ASIC2: variants seen among roughly 807,000 people sequenced by gnomAD.
ASIC2 encodes acid sensing ion channel subunit 2, also known as acid-sensing ion channel 2.
In ASIC2, 25 loss-of-function variants were observed where a neutral mutation model predicts 57.3. That is an observed-to-expected ratio of 0.44 (90% confidence interval 0.32 to 0.61). The LOEUF is 0.61. Among genes scored for constraint, ASIC2 ranks in the 20% least tolerant of loss-of-function variants. The probability of loss-of-function intolerance (pLI) is 0.06; values close to 1 mark genes in which losing one functional copy is unlikely to be tolerated. For missense variants in ASIC2, 641 were observed against 738.1 expected (o/e 0.87, Z 1.52); for synonymous variants, 319 against 307.5 (o/e 1.04, Z -0.39).
At chr17:34,124,336 C>T (rs1253256088) in intron 1 of ASIC2, among the ~76,000 whole-genome samples, 1 of 151,654 alleles carries the variant, frequency 6.6e-6, no homozygotes, top group African/African-American at 2.4e-5. Context: ...CGAAGCACCA[C>T]TGACCTACAC....
At chr17:33,919,354 A>G (rs1318175141) in intron 1 of ASIC2, among the ~76,000 whole-genome samples, 1 of 152,248 alleles carries the variant, frequency 6.6e-6, no homozygotes, top group Admixed American at 6.5e-5. Context: ...GAACCCAGAA[A>G]TAAAGCCATG....
At chr17:33,461,590 C>A (rs1382937842) in intron 1 of ASIC2, among the ~76,000 whole-genome samples, 1 of 152,148 alleles carries the variant, frequency 6.6e-6, no homozygotes, top group Non-Finnish European at 1.5e-5. Context: ...TAATGACAAG[C>A]AGTGAACAAG....
At chr17:33,590,665 C>T (rs145914068) in intron 1 of ASIC2, among the ~76,000 whole-genome samples, 93 of 152,114 alleles carry the variant, frequency 6.1e-4, no homozygotes, top group African/African-American at 2.1e-3. Flanking sequence ...TCAATCTCTA[C>T]ACCACACTCC....
chr17:33,615,549 C>T (rs1567670139), intron 1 of ASIC2, among the ~76,000 whole-genome samples: 2 of 152,074 alleles, frequency 1.3e-5, no homozygotes, highest in South Asian at 4.1e-4. Context: ...TGCTAAGAGG[C>T]TAAGGTCTTG....
chr17:33,407,273 C>A (rs1910505790), intron 1 of ASIC2, among the ~76,000 whole-genome samples: 1 of 152,192 alleles, frequency 6.6e-6, no homozygotes, highest in Non-Finnish European at 1.5e-5. Context: ...TAATAACTGG[C>A]TGATCTGGGA....
At chr17:33,925,643 C>G (rs1915807390) in intron 1 of ASIC2, among the ~76,000 whole-genome samples, 1 of 152,218 alleles carries the variant, frequency 6.6e-6, no homozygotes, top group East Asian at 1.9e-4. Context: ...TTGGGCACCA[C>G]GTTCCCCTCA....
chr17:33,484,952 G>A (rs901986903), intron 1 of ASIC2, among the ~76,000 whole-genome samples: 4 of 152,360 alleles, frequency 2.6e-5, no homozygotes, highest in Admixed American at 2.6e-4. Flanking sequence ...GCACACCTAT[G>A]GGGTAGCCCT....
At chr17:33,490,586 G>A (rs966790101) in intron 1 of ASIC2, among the ~76,000 whole-genome samples, 9 of 152,172 alleles carry the variant, frequency 5.9e-5, no homozygotes, top group African/African-American at 4.8e-5. Flanking sequence ...TTTATAAAGC[G>A]GGGTCTCCTG....
chr17:33,488,369 A>G (rs1171791840), intron 1 of ASIC2, among the ~76,000 whole-genome samples: 2 of 152,206 alleles, frequency 1.3e-5, no homozygotes, highest in African/African-American at 4.8e-5. Flanking sequence ...GCCGACCAAC[A>G]TTACAAAAAC....
At chr17:33,722,733 A>G (rs1054595893) in intron 1 of ASIC2, among the ~76,000 whole-genome samples, 6 of 152,212 alleles carry the variant, frequency 3.9e-5, no homozygotes, top group African/African-American at 1.4e-4. Context: ...ATTGCACTGC[A>G]GCCGGGGTAA....
chr17:34,045,298 G>C (rs1204912413), intron 1 of ASIC2, among the ~76,000 whole-genome samples: 1 of 152,100 alleles, frequency 6.6e-6, no homozygotes, highest in East Asian at 1.9e-4. Flanking sequence ...ACTACCCATG[G>C]GCAATGTGAG....
At chr17:34,059,963 C>G (rs955741441) in intron 1 of ASIC2, among the ~76,000 whole-genome samples, 1 of 152,200 alleles carries the variant, frequency 6.6e-6, no homozygotes, top group African/African-American at 2.4e-5. Flanking sequence ...GGGCCCTGCC[C>G]ACCACCAGAC....
intron 1 of ASIC2, among the ~76,000 whole-genome samples, chr17:34,013,967 C>A (rs1906859559): frequency 6.6e-6 from 1 of 152,114 alleles, no homozygotes; most frequent in Admixed American, 6.5e-5. Flanking sequence ...AGGGAGTCTG[C>A]CAGTCTATCC....
At chr17:33,446,002 C>CA (rs147439831) in intron 1 of ASIC2, among the ~76,000 whole-genome samples, 1,766 of 151,918 alleles carry the variant, frequency 0.012, 51 homozygotes, top group East Asian at 0.095. Flanking sequence ...ACCTTATGTA[C>CA]ACCTTTTATG....
intron 1 of ASIC2, among the ~76,000 whole-genome samples, chr17:34,148,334 C>T (rs2142141620): frequency 6.6e-6 from 1 of 152,204 alleles, no homozygotes; most frequent in East Asian, 1.9e-4. Context: ...ATTTTATATA[C>T]CCCTGAAAGC....
At chr17:33,142,386 G>C (rs1039171202) in intron 1 of ASIC2, among the ~76,000 whole-genome samples, 1 of 152,174 alleles carries the variant, frequency 6.6e-6, no homozygotes, top group Admixed American at 6.5e-5. Flanking sequence ...ATGCAGAGGC[G>C]AATCCACTCT....
At chr17:33,929,092 G>A (rs915007388) in intron 1 of ASIC2, among the ~76,000 whole-genome samples, 13 of 152,044 alleles carry the variant, frequency 8.6e-5, no homozygotes. Context: ...TGAGTTGCTG[G>A]GGCCTAAACT....
At chr17:33,130,519 A>G (rs1372793969) in intron 1 of ASIC2, among the ~76,000 whole-genome samples, 2 of 152,254 alleles carry the variant, frequency 1.3e-5, no homozygotes, top group Non-Finnish European at 2.9e-5. Context: ...TGTCAGTTGA[A>G]TGGGCTACAT....
intron 1 of ASIC2, among the ~76,000 whole-genome samples, chr17:33,856,458 C>CAG (rs1567736052): frequency 4.5e-4 from 6 of 13,448 alleles, no homozygotes; most frequent in Admixed American, 1.3e-3. Flanking sequence ...TAGTAATAGT[C>CAG]TTATCAGTAG....
Sources: allele counts gnomAD v4.1 joint callset (sites outside exome capture counted in the v4.1 genomes callset), GRCh38; gene constraint gnomAD v4.1.1; transcripts MANE v1.5; gene names NCBI Gene and HGNC (gene_info 2026-07-23, HGNC 2026-07-21).